ATRX: variants seen among roughly 807,000 people sequenced by gnomAD.
ATRX encodes ATRX chromatin remodeler.
A neutral mutation model predicts 172.6 loss-of-function variants in ATRX; 12 were observed. The observed-to-expected ratio is 0.07, with a 90% CI of 0.04 to 0.11. The LOEUF is 0.11. ATRX is among the 10% of genes least tolerant of loss of function. The pLI, the probability that ATRX is intolerant of heterozygous loss-of-function variation, is 1.00. For synonymous variants in ATRX, 674 were observed against 594.7 expected (o/e 1.13, Z -1.94); for missense variants, 1,368 against 1,767.4 (o/e 0.77, Z 4.05).
In ATRX at chrX:77,655,329, G is replaced by A. The variant is rs184979437; in HGVS notation, c.4215-1129C>T. Among the ~76,000 whole-genome samples the A allele has an allele frequency of 2.7e-5, 3 of 110,803 alleles. No homozygotes were observed. The East Asian group carries it at 8.5e-4, about 31-fold the overall frequency. On this transcript the variant is annotated intron_variant, in intron 13 of 34. Coordinates refer to ENST00000373344, the MANE Select transcript of ATRX (RefSeq NM_000489.6). ...ATGGTTAAGATGGTAAATGTTATGT[G>A]CATTTTACCACTATTAAAAATAATC...
intron 13 of ATRX, among the ~76,000 whole-genome samples, chrX:77,655,805 T>TA (rs782270155): frequency 4.5e-5 from 5 of 110,672 alleles, no homozygotes; most frequent in South Asian, 3.8e-4. Flanking sequence ...AGTATTAACC[T>TA]AAAAAAACCT....
intron 22 of ATRX, among the ~76,000 whole-genome samples, chrX:77,601,144 G>A: frequency 9.0e-6 from 1 of 110,909 alleles, no homozygotes; most frequent in South Asian, 3.9e-4. Flanking sequence ...GTCCTTTACT[G>A]ACTCTCGCCA....
rs781886077 is a variant in ATRX at position 77,640,756 on chromosome X, C to T, written c.4558-4700G>A. Among the ~76,000 whole-genome samples, 3 of 111,274 alleles carry T rather than the reference C, an allele frequency of 2.7e-5. No homozygotes were observed. The Admixed American group carries it at 2.9e-4, about 11-fold the overall frequency. On this transcript the variant is annotated intron_variant, in intron 15 of 34. Coordinates refer to ENST00000373344, the MANE Select transcript of ATRX (RefSeq NM_000489.6). ...CTGGAGATATATCAAGTTGAAGAAA[C>T]AAAGGTCAGGCTGAGATGACTGAAG...
In ATRX at chrX:77,775,897, A is replaced by G. The variant is rs1013687477; in HGVS notation, c.20+10085T>C. Among the ~76,000 whole-genome samples, 105 of 110,112 alleles carry G rather than the reference A, an allele frequency of 9.5e-4. 1 individual carries two copies. The highest frequency in any genetic ancestry group is 7.6e-4 in the South Asian group (2 of 2,623). On this transcript the variant is annotated intron_variant, in intron 1 of 34. Coordinates refer to ENST00000373344, the MANE Select transcript of ATRX (RefSeq NM_000489.6). ...CAGGCATGCGCCACCACGCCCGGCT[A>G]ATTTTTGTATTTTTAGTAGAGACGG...
rs781870044 is a variant in ATRX, at chrX:77,588,119, CAT to C, written c.6217+1713_6217+1714del. Among the ~76,000 whole-genome samples the C allele has an allele frequency of 9.8e-5, 11 of 112,302 alleles. No individual in the cohort carries two copies. The South Asian group carries it at 1.5e-3, about 15-fold the overall frequency. ...ATAGAATTGAGGGTCAGGAAACAAA[CAT>C]GTGTCTCCATCATCAATTCCTTTTT... On this transcript the variant is annotated intron_variant, in intron 27 of 34. Transcript: ENST00000373344.
intron 28 of ATRX, among the ~76,000 whole-genome samples, chrX:77,565,136 A>C (rs1184159316): frequency 8.9e-6 from 1 of 111,850 alleles, no homozygotes; most frequent in East Asian, 2.8e-4. Flanking sequence ...GTAAACAGGT[A>C]ATCTTGAGCC....
At chrX:77,701,332 T>C (rs2072496002) in intron 2 of ATRX, among the ~76,000 whole-genome samples, 1 of 109,932 alleles carries the variant, frequency 9.1e-6, no homozygotes, top group Non-Finnish European at 1.9e-5. Flanking sequence ...ACCAATATGA[T>C]GAAACCCTGT....
intron 4 of ATRX, 27 bp downstream of exon 4, chrX:77,697,556 C>G (rs1557150648): frequency 8.3e-7 from 1 of 1,202,480 alleles, no homozygotes; most frequent in South Asian, 1.8e-5. Flanking sequence ...AAGAAAATAA[C>G]TTTTTGTCCC....
intron 19 of ATRX, among the ~76,000 whole-genome samples, chrX:77,626,648 G>T (rs1367132063): frequency 9.0e-6 from 1 of 111,306 alleles, no homozygotes; most frequent in Non-Finnish European, 1.9e-5. Context: ...GCCTGAGGGT[G>T]GCTTTGAGGA....
rs2069291896 is a variant in ATRX at position 77,652,334 on chromosome X, T to C, written c.4337A>G (p.Glu1446Gly). ...SENKSNSEEE[E>G]EEKEEEEEEE... ...TTCCTCCTCCTCTTCTTTTTCCTCC[T>C]CTTCTTCCTCAGAATTACTCTACAG... Residue 1446 changes from glutamate to glycine, a missense_variant, in exon 15 of 35, where the codon GAG becomes GGG. Physicochemically the swap from Glu to Gly is moderately conservative, Grantham distance 98. This residue lies in a region of ATRX where 119 missense variants were observed against 131.3 expected (regional missense o/e 0.91). Coordinates refer to ENST00000373344, the MANE Select transcript of ATRX (RefSeq NM_000489.6). 4 of 1,202,904 alleles carry C rather than the reference T, an allele frequency of 3.3e-6. No individual in the cohort carries two copies. The highest frequency in any genetic ancestry group is 3.5e-5 in the South Asian group (2 of 56,661).
chrX:77,585,307 C>G (rs1295072039), intron 27 of ATRX, among the ~76,000 whole-genome samples: 1 of 109,744 alleles, frequency 9.1e-6, no homozygotes, highest in African/African-American at 3.3e-5. Context: ...GACGCAGTGG[C>G]TCACTTATAT....
chrX:77,638,848 C>T (rs1422126970), intron 15 of ATRX, among the ~76,000 whole-genome samples: 2 of 112,384 alleles, frequency 1.8e-5, no homozygotes, highest in Non-Finnish European at 3.8e-5. Flanking sequence ...ACCCTCTTAG[C>T]TTCTGTGTCT....
intron 1 of ATRX, among the ~76,000 whole-genome samples, chrX:77,754,572 G>A (rs1275957061): frequency 8.9e-6 from 1 of 111,802 alleles, no homozygotes; most frequent in African/African-American, 3.3e-5. Flanking sequence ...TGTCCGTAAA[G>A]GATTTTATTC....
intron 27 of ATRX, among the ~76,000 whole-genome samples, chrX:77,589,433 A>G (rs1557078906): frequency 8.9e-6 from 1 of 111,952 alleles, no homozygotes; most frequent in African/African-American, 3.2e-5. Flanking sequence ...TCTCTCAATA[A>G]AACTGCTTTA....
At chrX:77,667,025 T>C (rs1557126628) in intron 10 of ATRX, among the ~76,000 whole-genome samples, 1 of 110,338 alleles carries the variant, frequency 9.1e-6, no homozygotes, top group African/African-American at 3.3e-5. Flanking sequence ...AGATAGAAAA[T>C]ATTTATTAAT....
intron 1 of ATRX, among the ~76,000 whole-genome samples, chrX:77,777,360 G>A (rs781926265): frequency 9.2e-6 from 1 of 108,214 alleles, no homozygotes; most frequent in Non-Finnish European, 1.9e-5. Flanking sequence ...CAGCCTGGGC[G>A]ACAGAGCAAG....
In ATRX at chrX:77,687,360, T is replaced by C. The variant is rs781908772; in HGVS notation, c.594+1458A>G. Among the ~76,000 whole-genome samples, 5 of 110,899 alleles carry C rather than the reference T, an allele frequency of 4.5e-5. No individual in the cohort carries two copies. In the South Asian group the frequency reaches 1.1e-3, roughly 25 times the overall value. Reference sequence around the variant, plus strand: ...ATCTTTAAATACCAAATACCTACCATGCAAGGTAGGACATATTATGAGAGA... The same window carrying C: ...ATCTTTAAATACCAAATACCTACCACGCAAGGTAGGACATATTATGAGAGA... On this transcript the variant is annotated intron_variant, in intron 7 of 34. Transcript: ENST00000373344.
chrX:77,633,414 G>A (rs1557106527), intron 18 of ATRX, 30 bp from the exon 19 acceptor site: 7 of 1,186,957 alleles, frequency 5.9e-6, no homozygotes, highest in Non-Finnish European at 6.8e-6. Context: ...ATTTTTTTAA[G>A]TAGCTACTAA....
chrX:77,643,768 G>A (rs1393169233), intron 15 of ATRX, among the ~76,000 whole-genome samples: 1 of 110,709 alleles, frequency 9.0e-6, no homozygotes, highest in Non-Finnish European at 1.9e-5. Flanking sequence ...GGATAATTCA[G>A]AAAGCCATAT....
Sources: gnomAD v4.1 joint callset for allele counts (sites outside exome capture counted in the v4.1 genomes callset) on GRCh38, gnomAD v4.1.1 for gene constraint, gnomAD v4.1.1 regional missense constraint, MANE v1.5 for transcripts, NCBI Gene and HGNC (gene_info 2026-07-23, HGNC 2026-07-21) for gene names.